Variants in ANK2 observed in about 807,000 individuals in gnomAD.
ANK2 encodes the protein ankyrin-2.
In ANK2, 83 loss-of-function variants were observed where a neutral mutation model predicts 360.5. The ratio of observed to expected loss-of-function variants is 0.23; its 90% CI spans 0.19 to 0.28. ANK2 has a LOEUF of 0.28. Among genes scored for constraint, ANK2 ranks in the 10% least tolerant of loss-of-function variants. The probability of loss-of-function intolerance (pLI) is 1.00; values close to 1 mark genes in which losing one functional copy is unlikely to be tolerated. For missense variants in ANK2, 4,201 were observed against 4,795.7 expected (o/e 0.88, Z 3.66); for synonymous variants, 1,740 against 1,759.5 (o/e 0.99, Z 0.28).
chr4:112,933,833 A>G (rs1197565805), intron 2 of ANK2, among the ~76,000 whole-genome samples: 2 of 152,202 alleles, frequency 1.3e-5, no homozygotes, highest in African/African-American at 2.4e-5. Context: ...GAACTCTGAA[A>G]AAAGTAGAAA....
intron 7 of ANK2, among the ~76,000 whole-genome samples, chr4:113,238,634 T>G (rs2099402292): frequency 6.6e-6 from 1 of 152,204 alleles, no homozygotes; most frequent in African/African-American, 2.4e-5. Flanking sequence ...TTAAGATACA[T>G]TTTTGAAAGC....
At chr4:113,051,901 G>T (rs1172038267) in intron 1 of ANK2, among the ~76,000 whole-genome samples, 2 of 152,094 alleles carry the variant, frequency 1.3e-5, no homozygotes, top group African/African-American at 4.8e-5. Flanking sequence ...ATAACTTTCA[G>T]GTGTTATTCT....
At chr4:112,914,097 T>G (rs1382108885) in intron 2 of ANK2, among the ~76,000 whole-genome samples, 2 of 152,192 alleles carry the variant, frequency 1.3e-5, no homozygotes, top group East Asian at 3.8e-4. Flanking sequence ...CTTCTGTAAC[T>G]TGTTTGGGTC....
intron 1 of ANK2, among the ~76,000 whole-genome samples, chr4:112,867,669 T>C (rs1474058756): frequency 1.4e-5 from 2 of 143,830 alleles, no homozygotes; most frequent in Non-Finnish European, 3.1e-5. Flanking sequence ...GCCTTTTAAG[T>C]CTGTTTTTTT....
intron 4 of ANK2, 114 bp from the exon 5 acceptor site, chr4:113,232,047 A>T: frequency 1.3e-6 from 1 of 754,714 alleles, no homozygotes; most frequent in Non-Finnish European, 2.3e-6. Flanking sequence ...ATATGTGTAT[A>T]ATTTATTCAG....
chr4:113,091,485 G>A (rs2088104296), intron 1 of ANK2, among the ~76,000 whole-genome samples: 1 of 152,152 alleles, frequency 6.6e-6, no homozygotes. Flanking sequence ...AGTTATCATT[G>A]TCCTACCAAT....
At chr4:112,806,673 T>TA in the ANK2 span, among the ~76,000 whole-genome samples, 2 of 151,038 alleles carry the variant, frequency 1.3e-5, no homozygotes, top group Non-Finnish European at 3.0e-5. Context: ...CTACAAAAAA[T>TA]AAAAAAAATA....
At chr4:113,043,813 G>C (rs951278311) in intron 2 of ANK2, among the ~76,000 whole-genome samples, 1 of 152,130 alleles carries the variant, frequency 6.6e-6, no homozygotes, top group Admixed American at 6.6e-5. Flanking sequence ...GCAACAAAAG[G>C]ACACAAAGGA....
chr4:113,211,512 T>C (rs1270318265), intron 4 of ANK2, among the ~76,000 whole-genome samples: 1 of 152,304 alleles, frequency 6.6e-6, no homozygotes, highest in East Asian at 1.9e-4. Context: ...TGACCAAAAA[T>C]TGTGGAAGCA....
intron 14 of ANK2, among the ~76,000 whole-genome samples, chr4:113,270,561 G>C (rs1189450415): frequency 6.6e-6 from 1 of 151,952 alleles, no homozygotes; most frequent in African/African-American, 2.4e-5. Flanking sequence ...TCAAATTTCA[G>C]ATGTTATCTT....
At chr4:113,286,951 T>C (rs1021410952) in intron 18 of ANK2, among the ~76,000 whole-genome samples, 2 of 152,198 alleles carry the variant, frequency 1.3e-5, no homozygotes, top group Admixed American at 6.5e-5. Flanking sequence ...ATGCCTTTCT[T>C]TTTTTATTAT....
At chr4:112,754,005 C>T in the ANK2 span, among the ~76,000 whole-genome samples, 3 of 149,844 alleles carry the variant, frequency 2.0e-5, no homozygotes, top group South Asian at 2.1e-4. Flanking sequence ...GGCTGAGGCA[C>T]GATAATCACT....
chr4:113,070,875 A>T (rs996654150), intron 1 of ANK2, among the ~76,000 whole-genome samples: 1 of 152,056 alleles, frequency 6.6e-6, no homozygotes, highest in African/African-American at 2.4e-5. Flanking sequence ...TGCCCAAAAC[A>T]ATAAGCCCCC....
chr4:113,061,482 G>A (rs74421663), intron 1 of ANK2, among the ~76,000 whole-genome samples: 2,583 of 152,104 alleles, frequency 0.017, 68 homozygotes, highest in African/African-American at 0.056. Context: ...CCTTTGTGGA[G>A]CAATTAATTT....
chr4:113,364,432 C>T (rs1035728233), intron 40 of ANK2, among the ~76,000 whole-genome samples: 6 of 152,174 alleles, frequency 3.9e-5, no homozygotes, highest in Admixed American at 6.5e-5. Flanking sequence ...AACTCTTGCA[C>T]GATATGCGTA....
intron 1 of ANK2, among the ~76,000 whole-genome samples, chr4:113,104,021 G>A (rs1378220125): frequency 1.3e-5 from 2 of 152,046 alleles, no homozygotes; most frequent in Non-Finnish European, 2.9e-5. Flanking sequence ...CAAGGGTCTC[G>A]GAAACCTAGG....
chr4:112,904,986 T>G (rs1340959584), intron 2 of ANK2, among the ~76,000 whole-genome samples: 1 of 152,168 alleles, frequency 6.6e-6, no homozygotes, highest in Non-Finnish European at 1.5e-5. Context: ...ATTGCATCCA[T>G]GTGGAGAATT....
intron 2 of ANK2, among the ~76,000 whole-genome samples, chr4:113,027,127 C>A (rs868342130): frequency 5.3e-5 from 8 of 152,082 alleles, no homozygotes; most frequent in African/African-American, 1.9e-4. Context: ...TCCTTGGTAT[C>A]TTGGAAAGTA....
At chr4:113,300,952 G>A (rs1431820913) in intron 22 of ANK2, among the ~76,000 whole-genome samples, 1 of 152,104 alleles carries the variant, frequency 6.6e-6, no homozygotes, top group Non-Finnish European at 1.5e-5. Context: ...GTTGCTCAGT[G>A]GAATTTGATT....
Sources: allele counts gnomAD v4.1 joint callset (sites outside exome capture counted in the v4.1 genomes callset), GRCh38; gene constraint gnomAD v4.1.1; transcripts MANE v1.5; gene names NCBI Gene and HGNC (gene_info 2026-07-23, HGNC 2026-07-21).